The following POFUT3 variants were observed in gnomAD, a reference collection of about 807,000 sequenced individuals.
POFUT3 encodes the protein protein O-fucosyltransferase 3.
the POFUT3 span, among the ~76,000 whole-genome samples, chr8:33,403,282 G>GTA: frequency 0.03 from 4,526 of 151,938 alleles, 220 homozygotes; most frequent in African/African-American, 0.1. Context: ...GTGTGTGTGT[G>GTA]TGTGTGTATG....
chr8:33,431,883 T>G, the POFUT3 span, among the ~76,000 whole-genome samples: 5 of 152,190 alleles, frequency 3.3e-5, no homozygotes, highest in Non-Finnish European at 7.3e-5. Context: ...GTCATAAATA[T>G]TAGCAGTGGA....
the POFUT3 span, among the ~76,000 whole-genome samples, chr8:33,364,940 C>A: frequency 6.6e-6 from 1 of 152,130 alleles, no homozygotes; most frequent in Non-Finnish European, 1.5e-5. Context: ...AAAAAAGAGC[C>A]CACATTGCCA....
the POFUT3 span, among the ~76,000 whole-genome samples, chr8:33,367,361 C>T: frequency 6.6e-6 from 1 of 152,222 alleles, no homozygotes; most frequent in Non-Finnish European, 1.5e-5. Flanking sequence ...TTAACTACCC[C>T]AACCTATTCC....
chr8:33,458,714 AAAAAACAAAAAAC>A, the POFUT3 span, among the ~76,000 whole-genome samples: 1 of 152,052 alleles, frequency 6.6e-6, no homozygotes, highest in Non-Finnish European at 1.5e-5. Context: ...ACTCCGTCTC[AAAAAACAAAAAAC>A]AAAAACAAAA....
At chr8:33,440,710 A>G in the POFUT3 span, among the ~76,000 whole-genome samples, 2 of 152,196 alleles carry the variant, frequency 1.3e-5, no homozygotes, top group Non-Finnish European at 2.9e-5. Context: ...TTACATTGCT[A>G]TCTGCTGCCT....
chr8:33,341,247 C>T, the POFUT3 span, among the ~76,000 whole-genome samples: 8 of 151,712 alleles, frequency 5.3e-5, no homozygotes, highest in Non-Finnish European at 7.4e-5. Flanking sequence ...CCAGTCTAGC[C>T]AACATAGTGA....
At chr8:33,373,761 G>A in the POFUT3 span, among the ~76,000 whole-genome samples, 110 of 152,206 alleles carry the variant, frequency 7.2e-4, 2 homozygotes, top group African/African-American at 2.6e-3. Context: ...ATTTCCTCCA[G>A]AAACACCATT....
At chr8:33,386,536 C>T in the POFUT3 span, among the ~76,000 whole-genome samples, 1 of 152,166 alleles carries the variant, frequency 6.6e-6, no homozygotes, top group African/African-American at 2.4e-5. Flanking sequence ...ACCCGCTGGG[C>T]GCTGTGGCTC....
the POFUT3 span, among the ~76,000 whole-genome samples, chr8:33,408,986 T>A: frequency 2.0e-5 from 3 of 152,094 alleles, no homozygotes; most frequent in Non-Finnish European, 4.4e-5. Flanking sequence ...AGATCCTCCA[T>A]CACAAAAAAA....
chr8:33,343,656 T>C, the POFUT3 span, among the ~76,000 whole-genome samples: 1 of 152,246 alleles, frequency 6.6e-6, no homozygotes, highest in African/African-American at 2.4e-5. Context: ...GACTAGGTAT[T>C]TCAAGTCAGT....
At chr8:33,395,496 T>C in the POFUT3 span, among the ~76,000 whole-genome samples, 770 of 151,824 alleles carry the variant, frequency 5.1e-3, 2 homozygotes, top group Middle Eastern at 0.01. Context: ...CAGGGGAAGA[T>C]CATCTTTCCG....
chr8:33,363,661 A>T, the POFUT3 span, among the ~76,000 whole-genome samples: 3 of 152,230 alleles, frequency 2.0e-5, no homozygotes, highest in Non-Finnish European at 4.4e-5. Flanking sequence ...AATAAACTAG[A>T]AAATCTAGAA....
the POFUT3 span, among the ~76,000 whole-genome samples, chr8:33,443,684 G>A: frequency 3.0e-4 from 46 of 152,212 alleles, no homozygotes; most frequent in African/African-American, 1.1e-3. Flanking sequence ...AGTAGAGATG[G>A]GGTTTTGCCA....
the POFUT3 span, among the ~76,000 whole-genome samples, chr8:33,418,955 A>G: frequency 6.6e-6 from 1 of 152,226 alleles, no homozygotes; most frequent in African/African-American, 2.4e-5. Context: ...TTATTAGGTT[A>G]AGTGAAATAA....
chr8:33,424,525 G>A, the POFUT3 span, among the ~76,000 whole-genome samples: 99,943 of 151,980 alleles, frequency 0.66, 33,314 homozygotes, highest in African/African-American at 0.74. Context: ...GGGCCTTCAG[G>A]TATACTGGGA....
the POFUT3 span, among the ~76,000 whole-genome samples, chr8:33,431,427 A>G: frequency 1.3e-5 from 2 of 151,638 alleles, no homozygotes; most frequent in Non-Finnish European, 2.9e-5. Context: ...ATGTACCTGT[A>G]GTCCCAGCTA....
the POFUT3 span, among the ~76,000 whole-genome samples, chr8:33,403,903 A>G: frequency 6.6e-6 from 1 of 152,152 alleles, no homozygotes; most frequent in African/African-American, 2.4e-5. Context: ...AGTCATGCCA[A>G]GGGCAGCCTG....
the POFUT3 span, among the ~76,000 whole-genome samples, chr8:33,316,954 T>C: frequency 6.6e-6 from 1 of 152,004 alleles, no homozygotes; most frequent in African/African-American, 2.4e-5. Flanking sequence ...AGCAAATGTG[T>C]AAAGTAGTGG....
the POFUT3 span, among the ~76,000 whole-genome samples, chr8:33,449,278 ATTTTTTTTTTTTTTTTT>A: frequency 1.9e-5 from 1 of 53,760 alleles, no homozygotes; most frequent in Admixed American, 3.2e-4. Context: ...ATCCGAGTTG[ATTTTTTTTTTTTTTTTT>A]TTTTTTTTTT....
Sources: allele counts gnomAD v4.1 joint callset (sites outside exome capture counted in the v4.1 genomes callset), GRCh38; gene constraint gnomAD v4.1.1; transcripts MANE v1.5; gene names NCBI Gene and HGNC (gene_info 2026-07-23, HGNC 2026-07-21).